Variants in ZCCHC2 observed in about 807,000 individuals in gnomAD.
The protein encoded by ZCCHC2 is zinc finger CCHC-type containing 2.
ZCCHC2 carries 39 observed loss-of-function variants against 103.6 expected under a neutral mutation model. That is an observed-to-expected ratio of 0.38 (90% CI 0.29 to 0.49). The LOEUF (loss-of-function observed/expected upper bound fraction) is 0.49. ZCCHC2 is among the 20% of genes least tolerant of loss of function. The pLI is 0.96. For synonymous variants in ZCCHC2, 687 were observed against 608.9 expected (o/e 1.13, Z -1.89); for missense variants, 1,483 against 1,491.0 (o/e 0.99, Z 0.09).
intron 7 of ZCCHC2, among the ~76,000 whole-genome samples, chr18:62,559,843 T>A (rs2145517854): frequency 6.6e-6 from 1 of 152,318 alleles, no homozygotes; most frequent in African/African-American, 2.4e-5. Context: ...AACTGTGAGC[T>A]GAAAGTATTT....
At chr18:62,541,230 CA>C (rs1249135737) in intron 2 of ZCCHC2, among the ~76,000 whole-genome samples, 2 of 152,122 alleles carry the variant, frequency 1.3e-5, no homozygotes, top group Non-Finnish European at 2.9e-5. Flanking sequence ...CCGTTGTTTC[CA>C]TCCTCAACAT....
intron 2 of ZCCHC2, among the ~76,000 whole-genome samples, chr18:62,542,280 G>T (rs1439907185): frequency 6.6e-6 from 1 of 152,022 alleles, no homozygotes; most frequent in East Asian, 1.9e-4. Flanking sequence ...TGTCGTATGG[G>T]TATAGAAAAA....
At chr18:62,567,659 C>T (rs979505036) in intron 11 of ZCCHC2, among the ~76,000 whole-genome samples, 51 of 152,146 alleles carry the variant, frequency 3.4e-4, no homozygotes, top group African/African-American at 1.1e-3. Flanking sequence ...GAATGCTCAC[C>T]ATGGCCAGGC....
At chr18:62,547,708 T>A (rs1385026785) in intron 4 of ZCCHC2, among the ~76,000 whole-genome samples, 2 of 152,040 alleles carry the variant, frequency 1.3e-5, no homozygotes, top group African/African-American at 4.8e-5. Context: ...ATTACAGGCA[T>A]GCACCACCAC....
intron 4 of ZCCHC2, among the ~76,000 whole-genome samples, chr18:62,548,841 C>T (rs1427389771): frequency 6.6e-6 from 1 of 152,068 alleles, no homozygotes; most frequent in Non-Finnish European, 1.5e-5. Flanking sequence ...AGGAGAATCC[C>T]TTGAACCCAG....
intron 12 of ZCCHC2, among the ~76,000 whole-genome samples, chr18:62,572,144 G>T (rs1916621935): frequency 6.6e-6 from 1 of 152,018 alleles, no homozygotes; most frequent in African/African-American, 2.4e-5. Context: ...TTGAACTCCT[G>T]GGCTCAAGTG....
chr18:62,550,023 A>G (rs985085129), intron 4 of ZCCHC2, among the ~76,000 whole-genome samples: 5 of 152,216 alleles, frequency 3.3e-5, no homozygotes, highest in Non-Finnish European at 2.9e-5. Flanking sequence ...GAACCTTAGC[A>G]TGGGTGTCAT....
intron 7 of ZCCHC2, 93 bp downstream of exon 7, chr18:62,558,863 G>A: frequency 2.7e-6 from 2 of 750,278 alleles, no homozygotes; most frequent in Non-Finnish European, 4.2e-6. Context: ...TATAGGAATT[G>A]GAATGTGACA....
chr18:62,565,583 T>A (rs1459129880), intron 11 of ZCCHC2, among the ~76,000 whole-genome samples: 6 of 152,198 alleles, frequency 3.9e-5, no homozygotes, highest in Admixed American at 3.9e-4. Flanking sequence ...TGGCTTCCAT[T>A]TACCCACCAC....
chr18:62,524,024 G>C lies in ZCCHC2; in HGVS notation c.600G>C (p.Ser200=). Residue 200 remains serine (S), a synonymous_variant, in exon 1 of 14, where the codon TCG becomes TCC. Transcript: ENST00000269499. ...RLHRLLPQVD[S]VLKSLRAARG... ...ACCGCCTGCTACCCCAGGTGGACTC[G>C]GTGCTCAAAAGCCTGCGCGCGGCCC... 6.8e-7 allele frequency: 1 copy of C among 1,475,496 alleles called. No individual in the cohort carries two copies. The highest frequency in any genetic ancestry group is 8.9e-7 in the Non-Finnish European group (1 of 1,123,420). 91.4% of individuals were successfully genotyped at this position (1,475,496 alleles called of 1,614,324 possible).
At chr18:62,529,216 C>T (rs1463238944) in intron 1 of ZCCHC2, among the ~76,000 whole-genome samples, 1 of 150,498 alleles carries the variant, frequency 6.6e-6, no homozygotes, top group Non-Finnish European at 1.5e-5. Context: ...CTAATGCTCA[C>T]TGGTAATATT....
intron 1 of ZCCHC2, among the ~76,000 whole-genome samples, chr18:62,527,808 A>G (rs2145483785): frequency 6.6e-6 from 1 of 152,354 alleles, no homozygotes; most frequent in East Asian, 1.9e-4. Context: ...TCTTCCTATT[A>G]TTAGGAAGCC....
At chr18:62,542,605 A>G in intron 3 of ZCCHC2, 31 bp downstream of exon 3, 2 of 1,524,836 alleles carry the variant, frequency 1.3e-6, no homozygotes, top group East Asian at 4.9e-5. Flanking sequence ...AAGATACCTC[A>G]CGTGCTGTGC....
intron 1 of ZCCHC2, among the ~76,000 whole-genome samples, chr18:62,533,274 C>T (rs1341749415): frequency 6.6e-6 from 1 of 152,112 alleles, no homozygotes; most frequent in Admixed American, 6.5e-5. Flanking sequence ...GCCTGTAATC[C>T]CAGCACTTTG....
chr18:62,569,595 A>C (rs1916510611), intron 11 of ZCCHC2, among the ~76,000 whole-genome samples: 1 of 151,932 alleles, frequency 6.6e-6, no homozygotes, highest in South Asian at 2.1e-4. Flanking sequence ...CTAGTTGGTC[A>C]TGGCAGGTCC....
Position 62,574,749 on chromosome 18 carries a change from G to A in ZCCHC2, c.2668G>A (p.Gly890Arg). 6.2e-7 allele frequency: 1 copy of A among 1,613,982 alleles called. No homozygotes were observed. Among genetic ancestry groups the A allele is most frequent in the South Asian group, 1.1e-5 (1 of 91,084 alleles). The change falls in exon 13 of 14, where the codon GGG becomes AGG. Residue 890 changes from glycine to arginine, a missense_variant. Transcript: ENST00000269499. ...GGTGCCTCAAATTGAGGGAAACACA[G>A]GGACAGTCCCTCAGCCTACCAATGT... Reference protein sequence around the residue: ...QMVPQIEGNTGTVPQPTNVKV... With the variant: ...QMVPQIEGNTRTVPQPTNVKV...
intron 12 of ZCCHC2, among the ~76,000 whole-genome samples, chr18:62,570,634 A>G (rs115840472): frequency 0.014 from 2,087 of 152,172 alleles, 57 homozygotes; most frequent in African/African-American, 0.048. Context: ...CTTAAAGTCT[A>G]TTTTGTCTGA....
At position 62,544,890 on chromosome 18, in the gene ZCCHC2, G is replaced by C; in HGVS notation, c.1200+17G>C. ...CTACTGAAGGTAAAATATAGATTTT[G>C]TTGTTAAAATGATTTTTATATAATA... On this transcript the variant is annotated intron_variant, in intron 4 of 13. Coordinates refer to ENST00000269499, the MANE Select transcript of ZCCHC2 (RefSeq NM_017742.6). The C allele has an allele frequency of 6.6e-7, 1 of 1,507,134 alleles. No homozygotes were observed. Among genetic ancestry groups the C allele is most frequent in the Non-Finnish European group, 8.8e-7 (1 of 1,131,574 alleles). 93.4% of individuals were successfully genotyped at this position (1,507,134 alleles called of 1,614,324 possible).
intron 2 of ZCCHC2, among the ~76,000 whole-genome samples, chr18:62,540,062 C>CT (rs1290404960): frequency 1.3e-5 from 2 of 152,168 alleles, no homozygotes; most frequent in Non-Finnish European, 2.9e-5. Context: ...TGGTTGCATG[C>CT]TTCTGGGGGG....
Sources: allele counts gnomAD v4.1 joint callset (sites outside exome capture counted in the v4.1 genomes callset), GRCh38; gene constraint gnomAD v4.1.1; transcripts MANE v1.5; gene names NCBI Gene and HGNC (gene_info 2026-07-23, HGNC 2026-07-21).